ATP8A1: variants seen among roughly 807,000 people sequenced by gnomAD.
ATP8A1 encodes the protein ATPase phospholipid transporting 8A1.
Under a neutral mutation model 177.7 loss-of-function variants are expected in ATP8A1, and 90 were observed. The observed-to-expected ratio is 0.51, with a 90% CI of 0.43 to 0.60. The LOEUF (loss-of-function observed/expected upper bound fraction) is 0.60, where lower values mean the gene tolerates loss of function less well. ATP8A1 is among the 20% of genes least tolerant of loss of function. ATP8A1 has a pLI of 0.00. For missense variants in ATP8A1, 1,072 were observed against 1,392.8 expected, an observed-to-expected ratio of 0.77 and a Z score of 3.67; for synonymous variants, 493 against 485.9, an observed-to-expected ratio of 1.01 and a Z score of -0.19.
intron 27 of ATP8A1, among the ~76,000 whole-genome samples, chr4:42,461,732 G>A (rs759301177): frequency 6.6e-6 from 1 of 152,206 alleles, no homozygotes; most frequent in Non-Finnish European, 1.5e-5. Context: ...TTGGAACTGG[G>A]TAACAGGCAG....
intron 25 of ATP8A1, among the ~76,000 whole-genome samples, chr4:42,479,879 T>C (rs965812127): frequency 3.9e-5 from 6 of 152,298 alleles, no homozygotes; most frequent in African/African-American, 1.2e-4. Context: ...CCTGCTTGGG[T>C]GCTTGTCACA....
At chr4:42,590,914 T>C (rs1328474853) in intron 6 of ATP8A1, 30 bp from the exon 7 acceptor site, 8 of 1,411,578 alleles carry the variant, frequency 5.7e-6, no homozygotes, top group Non-Finnish European at 7.5e-6. Context: ...ATAATTAAAA[T>C]GGCCAAAAAA....
At chr4:42,448,348 G>GATA (rs1717505735) in intron 30 of ATP8A1, among the ~76,000 whole-genome samples, 1 of 146,146 alleles carries the variant, frequency 6.8e-6, no homozygotes, top group African/African-American at 2.5e-5. Context: ...GATAGTCTTT[G>GATA]ATACTACATC....
intron 6 of ATP8A1, chr4:42,594,490 C>T (rs1734525770): frequency 5.0e-6 from 3 of 600,266 alleles, no homozygotes. Flanking sequence ...CTTATCTTCA[C>T]AAAATGGAAG....
intron 9 of ATP8A1, among the ~76,000 whole-genome samples, chr4:42,585,190 G>A (rs1042986808): frequency 1.3e-5 from 2 of 151,980 alleles, no homozygotes; most frequent in African/African-American, 4.8e-5. Flanking sequence ...TTTTCAATGA[G>A]GCTAACTGTG....
At chr4:42,523,526 C>T (rs1299339011) in intron 21 of ATP8A1, among the ~76,000 whole-genome samples, 1 of 152,116 alleles carries the variant, frequency 6.6e-6, no homozygotes, top group East Asian at 1.9e-4. Context: ...TCCCTGAGGC[C>T]ATCTTAGGAC....
Position 42,579,979 on chromosome 4 carries a change from C to A in ATP8A1, c.835-1G>T, listed in dbSNP as rs748318204. The A allele has an allele frequency of 6.3e-7, 1 of 1,591,262 alleles. No homozygotes were observed. Among genetic ancestry groups the A allele is most frequent in the Non-Finnish European group, 8.6e-7 (1 of 1,168,260 alleles). On this transcript the variant is annotated splice_acceptor_variant, in intron 10 of 36. Transcript: ENST00000381668. LOFTEE classifies it high-confidence loss of function. The stretch of plus-strand genomic sequence containing the variant: ...GCTTAAGTGGTGGACTTGTTGAATT[C>A]TGTAAAAAGAAACAAGATGAGTAAT...
At chr4:42,617,508 T>C (rs551254883) in intron 4 of ATP8A1, among the ~76,000 whole-genome samples, 1 of 152,328 alleles carries the variant, frequency 6.6e-6, no homozygotes, top group Admixed American at 6.5e-5. Context: ...GATTTTGTAG[T>C]TACAGAACTT....
Position 42,449,549 on chromosome 4 carries a change from T to C in ATP8A1, c.2896+2432A>G, listed in dbSNP as rs146279416. Among the ~76,000 whole-genome samples, 29 of 152,274 alleles carry C rather than the reference T, an allele frequency of 1.9e-4. No individual in the cohort carries two copies. In the East Asian group the frequency reaches 4.8e-3, roughly 25 times the overall value. On this transcript the variant is annotated intron_variant, in intron 30 of 36. Transcript: ENST00000381668. ...TGTGTAAAGTTCTTCAGTATCCCCA[T>C]CCTTTCAGAAATCAAAAAACAAAAG...
chr4:42,490,918 G>A (rs2153190435), intron 24 of ATP8A1, among the ~76,000 whole-genome samples: 1 of 152,168 alleles, frequency 6.6e-6, no homozygotes, highest in South Asian at 2.1e-4. Flanking sequence ...ATTCCCTTTG[G>A]AACAGAGGTC....
intron 4 of ATP8A1, among the ~76,000 whole-genome samples, chr4:42,623,958 A>C (rs1254046864): frequency 6.6e-6 from 1 of 152,208 alleles, no homozygotes; most frequent in African/African-American, 2.4e-5. Context: ...TAAGACAGTT[A>C]AAATAGATAT....
chr4:42,507,796 A>AC lies in ATP8A1; in HGVS notation c.1948-643_1948-642insG, dbSNP rs1317661447. Among the ~76,000 whole-genome samples, 7 of 142,908 alleles carry AC rather than the reference A, an allele frequency of 4.9e-5. 1 individual carries two copies. The highest frequency in any genetic ancestry group is 6.9e-3 in the Middle Eastern group (2 of 290). 93.8% of individuals were successfully genotyped at this position (142,908 alleles called of 152,430 possible). The stretch of plus-strand genomic sequence containing the variant: ...CAGGCATTCTAAAAAAAAAAAAAAA[A>AC]AAAAAAAAAAAAACATACAAACAGC... On this transcript the variant is annotated intron_variant, in intron 22 of 36. Coordinates refer to ENST00000381668, the MANE Select transcript of ATP8A1 (RefSeq NM_006095.2).
chr4:42,473,177 T>C (rs915241910), intron 25 of ATP8A1, among the ~76,000 whole-genome samples: 2 of 151,838 alleles, frequency 1.3e-5, no homozygotes, highest in Non-Finnish European at 2.9e-5. Context: ...TACTTAAGTA[T>C]TAAGTGATCC....
chr4:42,521,780 A>G (rs567495290), intron 22 of ATP8A1, among the ~76,000 whole-genome samples: 1 of 152,336 alleles, frequency 6.6e-6, no homozygotes, highest in South Asian at 2.1e-4. Context: ...ACTATTTTAT[A>G]TTGCATTGCA....
chr4:42,630,231 G>T (rs576998464), intron 1 of ATP8A1, among the ~76,000 whole-genome samples: 1 of 152,098 alleles, frequency 6.6e-6, no homozygotes. Context: ...TTACCACCCT[G>T]CCCCAAAGAG....
Position 42,578,276 on chromosome 4 carries a change from G to A in ATP8A1, c.1112C>T (p.Ala371Val). 6.2e-7 allele frequency: 1 copy of A among 1,605,030 alleles called. No individual in the cohort carries two copies. The highest frequency in any genetic ancestry group is 8.5e-7 in the Non-Finnish European group (1 of 1,175,552). Residue 371 changes from alanine (A) to valine (V), a missense_variant, in exon 12 of 37, where the codon GCA becomes GTA. By Grantham distance (64) the Ala-to-Val change is moderately conservative. This residue lies in a region of ATP8A1 where 20 missense variants were observed against 51.3 expected (regional missense o/e 0.39). Transcript: ENST00000381668. ...CATATTTACCCAATTTATGAAGTATGCCTGGGTAAATTTCACAACTTCTAA... is the reference window on the plus strand; with the variant it reads ...CATATTTACCCAATTTATGAAGTATACCTGGGTAAATTTCACAACTTCTAA... ...VTLEVVKFTQ[A>V]YFINWDLDMH...
At chr4:42,545,561 C>T (rs904587041) in intron 19 of ATP8A1, among the ~76,000 whole-genome samples, 1 of 152,228 alleles carries the variant, frequency 6.6e-6, no homozygotes. Flanking sequence ...TTCCAACAAG[C>T]TTGCTCTCTT....
chr4:42,429,724 G>A (rs1283682148), intron 33 of ATP8A1, among the ~76,000 whole-genome samples: 1 of 152,168 alleles, frequency 6.6e-6, no homozygotes, highest in African/African-American at 2.4e-5. Context: ...GCCAAAGGGT[G>A]GAAACAACAT....
At chr4:42,584,509 C>T (rs866264816) in intron 9 of ATP8A1, among the ~76,000 whole-genome samples, 1 of 152,160 alleles carries the variant, frequency 6.6e-6, no homozygotes. Context: ...TTGTACTTGA[C>T]CATCAGCAAT....
Sources: gnomAD v4.1 joint callset for allele counts (sites outside exome capture counted in the v4.1 genomes callset) on GRCh38, gnomAD v4.1.1 for gene constraint, gnomAD v4.1.1 regional missense constraint, MANE v1.5 for transcripts, NCBI Gene and HGNC (gene_info 2026-07-23, HGNC 2026-07-21) for gene names.